Variants in PAPPA2 observed in about 807,000 individuals in gnomAD.
PAPPA2 encodes the protein pappalysin-2.
A neutral mutation model predicts 176.4 loss-of-function variants in PAPPA2; 86 were observed. That is an observed-to-expected ratio of 0.49 (90% CI 0.41 to 0.58). PAPPA2 has a LOEUF of 0.58. Ranked by LOEUF, PAPPA2 falls within the 20% of genes least tolerant of loss-of-function variation. PAPPA2 has a pLI of 0.00. For synonymous variants in PAPPA2, 809 were observed against 852.2 expected (o/e 0.95, Z 0.88); for missense variants, 2,073 against 2,256.9 (o/e 0.92, Z 1.65).
chr1:176,480,235 C>T (rs1174948015), intron 1 of PAPPA2, among the ~76,000 whole-genome samples: 1 of 152,206 alleles, frequency 6.6e-6, no homozygotes, highest in East Asian at 1.9e-4. Flanking sequence ...CTCTGTGCAA[C>T]AGTCTCCAAG....
At chr1:176,539,098 C>T (rs1398166222) in intron 1 of PAPPA2, among the ~76,000 whole-genome samples, 2 of 152,184 alleles carry the variant, frequency 1.3e-5, no homozygotes, top group Admixed American at 1.3e-4. Context: ...TATTTCCCTT[C>T]TGGATAATCC....
intron 1 of PAPPA2, among the ~76,000 whole-genome samples, chr1:176,484,481 A>G (rs944087005): frequency 6.6e-6 from 1 of 152,118 alleles, no homozygotes; most frequent in African/African-American, 2.4e-5. Context: ...CATTATGCAT[A>G]TGTTACACTT....
At chr1:176,801,707 G>C (rs928293472) in intron 21 of PAPPA2, among the ~76,000 whole-genome samples, 8 of 152,022 alleles carry the variant, frequency 5.3e-5, no homozygotes, top group African/African-American at 1.9e-4. Flanking sequence ...TGGGGAGCTG[G>C]GAACAGATCA....
intron 21 of PAPPA2, among the ~76,000 whole-genome samples, chr1:176,806,648 T>TTATC (rs1344439285): frequency 1.3e-5 from 2 of 152,218 alleles, no homozygotes; most frequent in Non-Finnish European, 2.9e-5. Flanking sequence ...TTAAGTTTCC[T>TTATC]TATCTTTTAA....
intron 17 of PAPPA2, among the ~76,000 whole-genome samples, chr1:176,780,385 A>G (rs1337631767): frequency 6.6e-6 from 1 of 152,162 alleles, no homozygotes; most frequent in Non-Finnish European, 1.5e-5. Flanking sequence ...ATTTTGTTCC[A>G]GTGGACTTCC....
At chr1:176,517,186 C>G (rs975104178) in intron 1 of PAPPA2, among the ~76,000 whole-genome samples, 3 of 152,118 alleles carry the variant, frequency 2.0e-5, no homozygotes, top group Non-Finnish European at 4.4e-5. Context: ...GGTATTTCCC[C>G]CTTTCTTTTC....
At chr1:176,528,401 G>T (rs1175856580) in intron 1 of PAPPA2, among the ~76,000 whole-genome samples, 1 of 152,190 alleles carries the variant, frequency 6.6e-6, no homozygotes, top group Non-Finnish European at 1.5e-5. Context: ...GAGGCAATGT[G>T]ATGTTTCTTA....
intron 7 of PAPPA2, 105 bp downstream of exon 7, chr1:176,695,964 G>GTT: frequency 4.0e-6 from 5 of 1,254,812 alleles, no homozygotes; most frequent in African/African-American, 1.6e-5. Context: ...CAATGTATGT[G>GTT]TATGTGTGTG....
chr1:176,547,650 A>T (rs1232125905), intron 1 of PAPPA2, among the ~76,000 whole-genome samples: 1 of 152,204 alleles, frequency 6.6e-6, no homozygotes, highest in Non-Finnish European at 1.5e-5. Context: ...ATTTTGGACC[A>T]GATAATTATT....
At chr1:176,710,248 G>T (rs61823018) in intron 11 of PAPPA2, 72 bp downstream of exon 11, 95,755 of 1,350,448 alleles carry the variant, frequency 0.071, 3,837 homozygotes, top group South Asian at 0.12. Flanking sequence ...GCTTACACTT[G>T]GGGTCTATGT....
rs1661161913 is a variant in PAPPA2, at chr1:176,711,877, C to G, written c.3694C>G (p.Leu1232Val). 1 of 1,612,966 alleles carries G rather than the reference C, an allele frequency of 6.2e-7. No homozygotes were observed. The highest frequency in any genetic ancestry group is 1.1e-5 in the South Asian group (1 of 91,032). The change falls in exon 12 of 23, where the codon CTA (leucine) becomes GTA (valine). Residue 1232 changes from leucine to valine, a missense_variant. Transcript: ENST00000367662. ...YHPDLPNHRP[L>V]TGWFPCVASE... is the part of the protein sequence containing the mutation. ...TCCAGATTTACCCAACCACCGTCCC[C>G]TAACTGGCTGGTTTCCCTGTGTTGC...
At chr1:176,709,951 CTT>C in intron 10 of PAPPA2, 30 bp from the exon 11 acceptor site, 1 of 1,556,074 alleles carries the variant, frequency 6.4e-7, no homozygotes, top group Non-Finnish European at 8.7e-7. Flanking sequence ...TATGAAAACA[CTT>C]TTTCTGTGTC....
chr1:176,604,495 A>G (rs1044630485), intron 3 of PAPPA2, among the ~76,000 whole-genome samples: 1 of 152,260 alleles, frequency 6.6e-6, no homozygotes, highest in Non-Finnish European at 1.5e-5. Flanking sequence ...CATCTGGTCT[A>G]TCACGTGTTT....
intron 18 of PAPPA2, among the ~76,000 whole-genome samples, chr1:176,791,067 T>C (rs1042688523): frequency 6.6e-6 from 1 of 152,082 alleles, no homozygotes; most frequent in Non-Finnish European, 1.5e-5. Flanking sequence ...GAGCTTCGGT[T>C]GATAGCTGAT....
intron 2 of PAPPA2, among the ~76,000 whole-genome samples, chr1:176,575,137 C>A (rs548797272): frequency 6.6e-6 from 1 of 152,198 alleles, no homozygotes; most frequent in African/African-American, 2.4e-5. Flanking sequence ...GGAAGGAGAC[C>A]CCTGCTGCTC....
intron 16 of PAPPA2, among the ~76,000 whole-genome samples, chr1:176,770,030 A>G (rs147175920): frequency 9.2e-5 from 14 of 152,352 alleles, no homozygotes; most frequent in Middle Eastern, 6.8e-3. Context: ...TTTTTATTTG[A>G]CAGTGTGTAC....
At chr1:176,593,057 A>G (rs1017470292) in intron 2 of PAPPA2, among the ~76,000 whole-genome samples, 25 of 152,344 alleles carry the variant, frequency 1.6e-4, no homozygotes, top group African/African-American at 6.0e-4. Context: ...TACTGTAGCT[A>G]GTCATCACTA....
intron 20 of PAPPA2, among the ~76,000 whole-genome samples, chr1:176,796,641 T>A (rs1215206443): frequency 6.6e-6 from 1 of 151,458 alleles, no homozygotes; most frequent in East Asian, 1.9e-4. Context: ...TTTCTTTCTT[T>A]TCTTTTCTTT....
At chr1:176,552,362 C>T (rs1340533639) in intron 1 of PAPPA2, among the ~76,000 whole-genome samples, 2 of 150,306 alleles carry the variant, frequency 1.3e-5, no homozygotes, top group African/African-American at 4.9e-5. Context: ...TCCCCTTTCC[C>T]TCTTTCCCCA....
Sources: gnomAD v4.1 joint callset for allele counts (sites outside exome capture counted in the v4.1 genomes callset) on GRCh38, gnomAD v4.1.1 for gene constraint, MANE v1.5 for transcripts, NCBI Gene and HGNC (gene_info 2026-07-23, HGNC 2026-07-21) for gene names.